Variants in EHBP1 observed in about 807,000 individuals in gnomAD.
EHBP1 encodes EH domain binding protein 1, also known as EH domain-binding protein 1.
Under a neutral mutation model 144.0 loss-of-function variants are expected in EHBP1, and 55 were observed. The ratio of observed to expected loss-of-function variants is 0.38; its 90% CI spans 0.31 to 0.48. EHBP1 has a LOEUF of 0.48. Among genes scored for constraint, EHBP1 ranks in the 20% least tolerant of loss-of-function variants. EHBP1 has a pLI of 0.98. For synonymous variants in EHBP1, 469 were observed against 472.7 expected (o/e 0.99, Z 0.10); for missense variants, 1,200 against 1,364.2 (o/e 0.88, Z 1.90).
At chr2:62,729,461 AT>A (rs1334937512) in intron 2 of EHBP1, among the ~76,000 whole-genome samples, 2 of 105,408 alleles carry the variant, frequency 1.9e-5, no homozygotes, top group African/African-American at 7.5e-5. Flanking sequence ...AATATATAAT[AT>A]ATAAATATAT....
At chr2:62,861,761 A>T (rs78032551) in intron 8 of EHBP1, among the ~76,000 whole-genome samples, 2 of 151,450 alleles carry the variant, frequency 1.3e-5, no homozygotes, top group African/African-American at 4.9e-5. Flanking sequence ...AAAAAAAAAA[A>T]GAAAGAAAGT....
chr2:62,768,666 A>T (rs912303704), intron 4 of EHBP1, among the ~76,000 whole-genome samples: 2 of 152,318 alleles, frequency 1.3e-5, no homozygotes, highest in East Asian at 1.9e-4. Context: ...AACTCATTCT[A>T]TGAGGTCAGC....
At chr2:63,021,663 A>G (rs897112846) in intron 19 of EHBP1, among the ~76,000 whole-genome samples, 3 of 152,238 alleles carry the variant, frequency 2.0e-5, no homozygotes, top group Admixed American at 6.5e-5. Context: ...TCAGAGATGG[A>G]TAAGTATGTA....
rs751476296 is a variant in EHBP1 at position 62,831,175 on chromosome 2, T to C, written c.634+17T>C. The C allele has an allele frequency of 5.3e-5, 83 of 1,577,906 alleles. No homozygotes were observed. The highest frequency in any genetic ancestry group is 6.8e-5 in the Non-Finnish European group (79 of 1,167,910). The stretch of plus-strand genomic sequence containing the variant: ...AAATTACAGGTTGGTTTTATTAGCA[T>C]TAAACTAAAAGTTTATCTTTTGTTG... On this transcript the variant is annotated intron_variant, in intron 7 of 22. Coordinates refer to ENST00000431489, the MANE Select transcript of EHBP1 (RefSeq NM_001142616.3).
intron 1 of EHBP1, among the ~76,000 whole-genome samples, chr2:62,697,089 T>A (rs933181459): frequency 3.3e-5 from 5 of 152,234 alleles, no homozygotes; most frequent in African/African-American, 1.2e-4. Context: ...CAAGGGAATA[T>A]GTTAATCAGA....
At chr2:62,962,677 A>G (rs978861792) in intron 14 of EHBP1, among the ~76,000 whole-genome samples, 8 of 152,238 alleles carry the variant, frequency 5.3e-5, no homozygotes, top group Non-Finnish European at 8.8e-5. Flanking sequence ...TAAGTGGAAA[A>G]TCTAAACAAA....
At chr2:62,773,897 G>T in intron 5 of EHBP1, among the ~76,000 whole-genome samples, 1 of 101,238 alleles carries the variant, frequency 9.9e-6, no homozygotes. Flanking sequence ...AGAGAGAGAA[G>T]AATAACGTGA....
At position 62,937,904 on chromosome 2, in the gene EHBP1, C is replaced by T. The variant is rs538075792; in HGVS notation, c.1186-4814C>T. Among the ~76,000 whole-genome samples the T allele has an allele frequency of 8.5e-5, 13 of 152,060 alleles. No individual in the cohort carries two copies. The East Asian group carries it at 1.4e-3, about 16-fold the overall frequency. On this transcript the variant is annotated intron_variant, in intron 10 of 22. Transcript: ENST00000431489. ...ACTTTAAGCCGTGCTTTAAGGAGAA[C>T]GATGCTATGACATGGGTTGGTTACC...
chr2:62,758,069 G>A (rs984166478), intron 3 of EHBP1, among the ~76,000 whole-genome samples: 2 of 151,706 alleles, frequency 1.3e-5, no homozygotes, highest in African/African-American at 2.4e-5. Flanking sequence ...TTTGAGGTAC[G>A]TGTTTGAATT....
At chr2:62,818,582 G>C (rs772966359) in intron 5 of EHBP1, among the ~76,000 whole-genome samples, 74 of 152,086 alleles carry the variant, frequency 4.9e-4, no homozygotes, top group Non-Finnish European at 9.9e-4. Context: ...ATGCATGACT[G>C]TATAGCCTTA....
intron 10 of EHBP1, among the ~76,000 whole-genome samples, chr2:62,914,174 A>T (rs1342244472): frequency 1.3e-5 from 2 of 152,136 alleles, no homozygotes; most frequent in Admixed American, 1.3e-4. Flanking sequence ...GAAATTATAG[A>T]GCTAAATGAG....
Position 63,038,826 on chromosome 2 carries a change from G to C in EHBP1, c.3277+10G>C. ...ATGCTAGCCATTGAAGGTAAGAAAT[G>C]CTATGGTGGGGTGAGGTATGTGACG... On this transcript the variant is annotated intron_variant, in intron 21 of 22. Transcript: ENST00000431489. The C allele has an allele frequency of 6.2e-7, 1 of 1,610,878 alleles. No homozygotes were observed. Among genetic ancestry groups the C allele is most frequent in the South Asian group, 1.1e-5 (1 of 90,998 alleles).
At chr2:62,714,683 T>C (rs2035493967) in intron 2 of EHBP1, among the ~76,000 whole-genome samples, 1 of 152,208 alleles carries the variant, frequency 6.6e-6, no homozygotes, top group African/African-American at 2.4e-5. Context: ...ATTTTTTATC[T>C]GATAAATAAG....
At chr2:62,996,822 CTT>C in intron 19 of EHBP1, 56 bp downstream of exon 19, 1 of 1,583,526 alleles carries the variant, frequency 6.3e-7, no homozygotes, top group Non-Finnish European at 8.5e-7. Context: ...TTCACAAACT[CTT>C]ATAGAGTTTT....
At chr2:62,778,695 C>T (rs1385754779) in intron 5 of EHBP1, among the ~76,000 whole-genome samples, 1 of 152,116 alleles carries the variant, frequency 6.6e-6, no homozygotes, top group East Asian at 1.9e-4. Context: ...TCAAATAATA[C>T]AATGTAAACA....
At chr2:62,894,138 A>G (rs550747486) in intron 10 of EHBP1, among the ~76,000 whole-genome samples, 1 of 152,186 alleles carries the variant, frequency 6.6e-6, no homozygotes, top group South Asian at 2.1e-4. Flanking sequence ...TGTAGCCCCT[A>G]CTATGTGTAA....
chr2:62,997,994 T>C (rs1232746979), intron 19 of EHBP1, among the ~76,000 whole-genome samples: 1 of 151,972 alleles, frequency 6.6e-6, no homozygotes, highest in Non-Finnish European at 1.5e-5. Flanking sequence ...TTGGGGACAG[T>C]TTATTTGAAA....
intron 2 of EHBP1, among the ~76,000 whole-genome samples, chr2:62,741,159 G>C (rs1043778635): frequency 6.6e-6 from 1 of 152,094 alleles, no homozygotes; most frequent in African/African-American, 2.4e-5. Flanking sequence ...TTTAGATAGT[G>C]TGGGGAAATA....
At chr2:62,949,241 G>A in intron 13 of EHBP1, 79 bp downstream of exon 13, 1 of 1,235,384 alleles carries the variant, frequency 8.1e-7, no homozygotes, top group Non-Finnish European at 1.1e-6. Context: ...ATTCATAGAT[G>A]CTACAAATGA....
Sources: allele counts gnomAD v4.1 joint callset (sites outside exome capture counted in the v4.1 genomes callset), GRCh38; gene constraint gnomAD v4.1.1; transcripts MANE v1.5; gene names NCBI Gene and HGNC (gene_info 2026-07-23, HGNC 2026-07-21).